GRM5: variants seen among roughly 807,000 people sequenced by gnomAD.
GRM5 encodes metabotropic glutamate receptor 5.
GRM5 carries 19 observed loss-of-function variants against 83.1 expected under a neutral mutation model. The observed-to-expected ratio is 0.23, with a 90% CI of 0.16 to 0.34. GRM5 has a LOEUF of 0.34. Ranked by LOEUF, GRM5 falls within the 10% of genes least tolerant of loss-of-function variation. The probability of loss-of-function intolerance (pLI) is 1.00; values close to 1 mark genes in which losing one functional copy is unlikely to be tolerated. For missense variants in GRM5, 1,160 were observed against 1,588.3 expected (o/e 0.73, Z 4.58); for synonymous variants, 675 against 633.6 (o/e 1.07, Z -0.98).
At chr11:89,039,257 T>A (rs1941468355) in intron 2 of GRM5, among the ~76,000 whole-genome samples, 3 of 117,080 alleles carry the variant, frequency 2.6e-5, no homozygotes, top group Non-Finnish European at 5.3e-5. Flanking sequence ...AAACTGAGAC[T>A]CCGTTTCAAA....
At chr11:88,838,923 T>C (rs1269396884) in intron 3 of GRM5, among the ~76,000 whole-genome samples, 1 of 148,962 alleles carries the variant, frequency 6.7e-6, no homozygotes, top group Non-Finnish European at 1.5e-5. Context: ...ACAAACTTCC[T>C]TCTCCACTTG....
At chr11:88,525,246 CAT>C in intron 9 of GRM5, 61 bp downstream of exon 9, 1 of 941,020 alleles carries the variant, frequency 1.1e-6, no homozygotes, top group Non-Finnish European at 1.7e-6. Flanking sequence ...CAGGGAGCCA[CAT>C]GTTCCTCTAG....
chr11:89,055,187 A>G (rs899194505), intron 1 of GRM5, among the ~76,000 whole-genome samples: 2 of 152,162 alleles, frequency 1.3e-5, no homozygotes, highest in African/African-American at 4.8e-5. Context: ...TGTTAAGAGC[A>G]TGGGCTTGGA....
At chr11:88,842,032 T>C (rs988853030) in intron 3 of GRM5, among the ~76,000 whole-genome samples, 3 of 152,226 alleles carry the variant, frequency 2.0e-5, no homozygotes, top group African/African-American at 4.8e-5. Context: ...TATGCAGTTA[T>C]GATTTAATAG....
At chr11:88,834,962 C>G (rs1196649585) in intron 3 of GRM5, among the ~76,000 whole-genome samples, 3 of 151,800 alleles carry the variant, frequency 2.0e-5, no homozygotes, top group Non-Finnish European at 2.9e-5. Context: ...GTTTTTCTGC[C>G]TCTCTATTAC....
intron 3 of GRM5, among the ~76,000 whole-genome samples, chr11:88,806,495 G>T (rs1943500836): frequency 6.6e-6 from 1 of 152,084 alleles, no homozygotes; most frequent in Admixed American, 6.6e-5. Flanking sequence ...GAATTCCTTT[G>T]GTTTCTGCCT....
chr11:88,732,977 G>C (rs927950732), intron 3 of GRM5, among the ~76,000 whole-genome samples: 1 of 151,958 alleles, frequency 6.6e-6, no homozygotes, highest in Non-Finnish European at 1.5e-5. Flanking sequence ...GTTTGTTTAT[G>C]AATTTCCTTA....
chr11:88,544,620 C>A (rs1004863379), intron 8 of GRM5, among the ~76,000 whole-genome samples: 1 of 152,218 alleles, frequency 6.6e-6, no homozygotes, highest in Non-Finnish European at 1.5e-5. Flanking sequence ...CTGCACTTGG[C>A]AATACAGTCC....
chr11:88,609,498 C>T (rs559042246), intron 4 of GRM5, among the ~76,000 whole-genome samples: 25 of 152,148 alleles, frequency 1.6e-4, no homozygotes, highest in African/African-American at 5.5e-4. Context: ...GTGTCTTTTT[C>T]GTAGAATGAG....
intron 3 of GRM5, among the ~76,000 whole-genome samples, chr11:88,827,655 A>C (rs1158343156): frequency 6.6e-6 from 1 of 152,146 alleles, no homozygotes; most frequent in Non-Finnish European, 1.5e-5. Context: ...TGATTCCAGG[A>C]TTCTAAATGA....
At chr11:88,905,085 G>T (rs11021665) in intron 2 of GRM5, among the ~76,000 whole-genome samples, 1 of 152,128 alleles carries the variant, frequency 6.6e-6, no homozygotes, top group Non-Finnish European at 1.5e-5. Flanking sequence ...CAGTTCAGAT[G>T]TGTCTATATA....
chr11:88,916,857 C>T (rs1331461051), intron 2 of GRM5, among the ~76,000 whole-genome samples: 1 of 152,160 alleles, frequency 6.6e-6, no homozygotes, highest in African/African-American at 2.4e-5. Flanking sequence ...GACCCCAATA[C>T]TAGGACATAG....
intron 2 of GRM5, among the ~76,000 whole-genome samples, chr11:89,031,844 A>G (rs1480879867): frequency 1.3e-5 from 2 of 151,970 alleles, no homozygotes; most frequent in East Asian, 1.9e-4. Flanking sequence ...CACTTAATAC[A>G]TATAGTTTAA....
chr11:88,697,496 A>C (rs1377977089), intron 3 of GRM5, among the ~76,000 whole-genome samples: 2 of 152,208 alleles, frequency 1.3e-5, no homozygotes, highest in Non-Finnish European at 2.9e-5. Context: ...GCAATGCAAG[A>C]TCATGTTCTT....
chr11:88,817,267 T>G (rs11021445), intron 3 of GRM5, among the ~76,000 whole-genome samples: 3,872 of 152,212 alleles, frequency 0.025, 170 homozygotes, highest in African/African-American at 0.089. Context: ...TGCCACTGTT[T>G]ACACGTAAAC....
chr11:88,544,781 G>A (rs1942352574), intron 8 of GRM5, among the ~76,000 whole-genome samples: 1 of 152,226 alleles, frequency 6.6e-6, no homozygotes, highest in African/African-American at 2.4e-5. Flanking sequence ...GTCAAGAACT[G>A]AAACTCATTA....
At chr11:88,962,759 G>T (rs1481670667) in intron 2 of GRM5, among the ~76,000 whole-genome samples, 2 of 152,066 alleles carry the variant, frequency 1.3e-5, no homozygotes, top group Non-Finnish European at 2.9e-5. Context: ...TGAGGCAAAG[G>T]AGAAAATATC....
chr11:88,523,295 A>T (rs1411295833), intron 9 of GRM5, among the ~76,000 whole-genome samples: 1 of 152,160 alleles, frequency 6.6e-6, no homozygotes, highest in African/African-American at 2.4e-5. Flanking sequence ...TCTGTTTGAT[A>T]GTCAGCTAAG....
intron 3 of GRM5, among the ~76,000 whole-genome samples, chr11:88,725,391 G>T (rs1399593631): frequency 6.6e-6 from 1 of 152,180 alleles, no homozygotes; most frequent in Non-Finnish European, 1.5e-5. Flanking sequence ...CCAGTCAGGG[G>T]CTTATAGATC....
Sources: gnomAD v4.1 joint callset for allele counts (sites outside exome capture counted in the v4.1 genomes callset) on GRCh38, gnomAD v4.1.1 for gene constraint, MANE v1.5 for transcripts, NCBI Gene and HGNC (gene_info 2026-07-23, HGNC 2026-07-21) for gene names.